The following CDH4 variants were observed in gnomAD, a reference collection of about 807,000 sequenced individuals.
The protein encoded by CDH4 is cadherin 4.
Under a neutral mutation model 86.0 loss-of-function variants are expected in CDH4, and 33 were observed. The observed-to-expected ratio is 0.38, with a 90% confidence interval of 0.29 to 0.51. The LOEUF is 0.51. Ranked by LOEUF, CDH4 falls within the 20% of genes least tolerant of loss-of-function variation. The pLI is 0.86. For synonymous variants in CDH4, 555 were observed against 549.4 expected (o/e 1.01, Z -0.14); for missense variants, 1,114 against 1,307.4 (o/e 0.85, Z 2.28).
At chr20:61,527,889 G>A (rs2085922425) in intron 2 of CDH4, among the ~76,000 whole-genome samples, 5 of 152,094 alleles carry the variant, frequency 3.3e-5, no homozygotes, top group South Asian at 2.1e-4. Context: ...CCCAGAACCC[G>A]GGGCACCGGC....
At chr20:61,586,566 G>C (rs1427081410) in intron 2 of CDH4, among the ~76,000 whole-genome samples, 1 of 152,174 alleles carries the variant, frequency 6.6e-6, no homozygotes, top group African/African-American at 2.4e-5. Context: ...GCCCACCCAG[G>C]TCTTAGCACA....
rs2087859566 is a variant in CDH4 at position 61,708,752 on chromosome 20, G to T, written c.170-34811G>T. On this transcript the variant is annotated intron_variant, in intron 2 of 15. Transcript: ENST00000614565. The surrounding 1 kb of genome is among the most constrained non-coding windows in gnomAD (Gnocchi z 4.5). ...ATGAGGCGGCGCTGCCTCTGCGGAG[G>T]CCCCTTCTCTGAGTGTGCATCATGG... 6.6e-6 allele frequency among the ~76,000 whole-genome samples: 1 copy of T among 152,208 alleles called. No homozygotes were observed. The highest frequency in any genetic ancestry group is 1.5e-5 in the Non-Finnish European group (1 of 68,036).
chr20:61,514,013 G>C (rs1167836730), intron 2 of CDH4, among the ~76,000 whole-genome samples: 1 of 152,242 alleles, frequency 6.6e-6, no homozygotes, highest in Non-Finnish European at 1.5e-5. Flanking sequence ...CTGACCTCCT[G>C]GCTGGCTTAC....
At chr20:61,554,737 A>G (rs896395736) in intron 2 of CDH4, among the ~76,000 whole-genome samples, 5 of 152,394 alleles carry the variant, frequency 3.3e-5, no homozygotes, top group African/African-American at 1.2e-4. Flanking sequence ...ACACACATGT[A>G]CATGTACATG....
rs781321797 is a variant in CDH4 at position 61,844,714 on chromosome 20, C to T, written c.623C>T (p.Thr208Met). 1.9e-6 allele frequency: 3 copies of T among 1,613,860 alleles called. No individual in the cohort carries two copies. The highest frequency in any genetic ancestry group is 2.7e-5 in the African/African-American group (2 of 74,942). Residue 208 changes from threonine (T) to methionine (M), a missense_variant, in exon 5 of 16, where the codon ACG (threonine) becomes ATG (methionine). Transcript: ENST00000614565. ...DNDIPIRYSITGVGADQPPME... is the reference protein window; with the variant it reads ...DNDIPIRYSIMGVGADQPPME... ...GACATCCCCATCCGGTACAGCATCA[C>T]GGGAGTGGGCGCCGACCAGCCCCCC...
At chr20:61,630,658 T>C (rs1036658082) in intron 2 of CDH4, among the ~76,000 whole-genome samples, 1 of 152,236 alleles carries the variant, frequency 6.6e-6, no homozygotes, top group African/African-American at 2.4e-5. Flanking sequence ...TTTAAAATTC[T>C]CCCAGAGTCC....
chr20:61,686,594 C>T (rs1015449426), intron 2 of CDH4, among the ~76,000 whole-genome samples: 13 of 147,088 alleles, frequency 8.8e-5, no homozygotes, highest in African/African-American at 3.3e-4. Flanking sequence ...CATGTGTGTG[C>T]ATGAGCACGT....
At chr20:61,527,979 A>G (rs1390373729) in intron 2 of CDH4, among the ~76,000 whole-genome samples, 1 of 152,164 alleles carries the variant, frequency 6.6e-6, no homozygotes, top group Non-Finnish European at 1.5e-5. Context: ...ACTTTGGACA[A>G]TCTACGCAGC....
chr20:61,755,388 A>G (rs2088550924), intron 3 of CDH4, among the ~76,000 whole-genome samples: 1 of 137,028 alleles, frequency 7.3e-6, no homozygotes, highest in African/African-American at 2.8e-5. Flanking sequence ...ACACACACAC[A>G]CGCCCCATGC....
At chr20:61,557,696 G>A (rs1235292178) in intron 2 of CDH4, among the ~76,000 whole-genome samples, 1 of 150,746 alleles carries the variant, frequency 6.6e-6, no homozygotes. Flanking sequence ...GATATGCTTC[G>A]ATTTCGGCGG....
chr20:61,464,211 G>A (rs1287006761), intron 2 of CDH4, among the ~76,000 whole-genome samples: 1 of 152,178 alleles, frequency 6.6e-6, no homozygotes, highest in African/African-American at 2.4e-5. Context: ...GGCAAACCCT[G>A]CTGCTACAGA....
At chr20:61,603,398 G>A (rs139914931) in intron 2 of CDH4, among the ~76,000 whole-genome samples, 1,662 of 152,330 alleles carry the variant, frequency 0.011, 17 homozygotes, top group African/African-American at 0.028. Flanking sequence ...AGGGAAGCTG[G>A]CTGCAGACAG....
At chr20:61,386,091 TG>T (rs2084949508) in intron 2 of CDH4, among the ~76,000 whole-genome samples, 1 of 152,192 alleles carries the variant, frequency 6.6e-6, no homozygotes, top group Admixed American at 6.5e-5. Context: ...AAGCCTGAGC[TG>T]TCTGAGTAGT....
At chr20:61,693,356 G>A (rs1377674691) in intron 2 of CDH4, among the ~76,000 whole-genome samples, 1 of 152,228 alleles carries the variant, frequency 6.6e-6, no homozygotes. Context: ...TGGAAATGTG[G>A]GGGAGGCCTG....
chr20:61,305,077 G>A (rs1398525204), intron 2 of CDH4, among the ~76,000 whole-genome samples: 1 of 152,004 alleles, frequency 6.6e-6, no homozygotes, highest in Non-Finnish European at 1.5e-5. Context: ...AGTGTGTTGT[G>A]TGTGTTGTGT....
intron 4 of CDH4, among the ~76,000 whole-genome samples, chr20:61,839,996 AC>A (rs1982086862): frequency 6.6e-6 from 1 of 151,856 alleles, no homozygotes; most frequent in Admixed American, 6.6e-5. Flanking sequence ...AGTGGTCAGG[AC>A]CAAACTGACT....
At chr20:61,856,482 C>T (rs1256576371) in intron 6 of CDH4, among the ~76,000 whole-genome samples, 1 of 150,948 alleles carries the variant, frequency 6.6e-6, no homozygotes, top group Non-Finnish European at 1.5e-5. Context: ...CACTCTTCCC[C>T]AGCCCCCCAG....
chr20:61,614,407 C>T (rs2086709411), intron 2 of CDH4, among the ~76,000 whole-genome samples: 2 of 152,094 alleles, frequency 1.3e-5, no homozygotes, highest in African/African-American at 4.8e-5. Flanking sequence ...TTGCCCTCTC[C>T]ATTTGTCTGT....
intron 2 of CDH4, among the ~76,000 whole-genome samples, chr20:61,335,829 G>T (rs899730878): frequency 6.6e-6 from 1 of 152,228 alleles, no homozygotes; most frequent in East Asian, 1.9e-4. Flanking sequence ...TTGTTTAAAG[G>T]GTGACTTTGG....
Sources: gnomAD v4.1 joint callset for allele counts (sites outside exome capture counted in the v4.1 genomes callset) on GRCh38, gnomAD v4.1.1 for gene constraint, Gnocchi (gnomAD v3.1) non-coding constraint, MANE v1.5 for transcripts, NCBI Gene and HGNC (gene_info 2026-07-23, HGNC 2026-07-21) for gene names.